Variants in ROBO2 observed in about 807,000 individuals in gnomAD.
ROBO2 encodes roundabout guidance receptor 2, also known as roundabout homolog 2.
In ROBO2, 53 loss-of-function variants were observed where a neutral mutation model predicts 160.8. The ratio of observed to expected loss-of-function variants is 0.33; its 90% CI spans 0.26 to 0.41. ROBO2 has a LOEUF of 0.41. Among genes scored for constraint, ROBO2 ranks in the 10% least tolerant of loss-of-function variants. The probability of loss-of-function intolerance (pLI) is 1.00; values close to 1 mark genes in which losing one functional copy is unlikely to be tolerated. For missense variants in ROBO2, 1,577 were observed against 1,722.4 expected (o/e 0.92, Z 1.49); for synonymous variants, 664 against 611.7 (o/e 1.09, Z -1.26).
chr3:76,455,795 C>A (rs1441372481), intron 2 of ROBO2, among the ~76,000 whole-genome samples: 1 of 152,110 alleles, frequency 6.6e-6, no homozygotes, highest in Non-Finnish European at 1.5e-5. Context: ...ATGCCAGTGT[C>A]CACGTTGACT....
At chr3:76,742,382 A>G (rs1357863361) in intron 2 of ROBO2, among the ~76,000 whole-genome samples, 7 of 152,128 alleles carry the variant, frequency 4.6e-5, no homozygotes, top group African/African-American at 1.7e-4. Flanking sequence ...CCCACTGGAT[A>G]AAAGGGTCAT....
At chr3:76,748,277 A>G (rs2093925263) in intron 2 of ROBO2, among the ~76,000 whole-genome samples, 1 of 151,782 alleles carries the variant, frequency 6.6e-6, no homozygotes, top group Admixed American at 6.6e-5. Context: ...ATTAATATAT[A>G]TTAAAGTATT....
chr3:75,951,356 A>G (rs1460727023), intron 2 of ROBO2, among the ~76,000 whole-genome samples: 1 of 152,168 alleles, frequency 6.6e-6, no homozygotes, highest in East Asian at 1.9e-4. Context: ...TGCTGGCCAT[A>G]TGCAGTCTCT....
intron 2 of ROBO2, among the ~76,000 whole-genome samples, chr3:76,291,665 C>G (rs1414503211): frequency 1.3e-5 from 2 of 151,980 alleles, no homozygotes; most frequent in Non-Finnish European, 2.9e-5. Flanking sequence ...GTGTTTAGTG[C>G]TTTACTTTCC....
At chr3:77,239,631 T>C (rs1416149483) in intron 2 of ROBO2, among the ~76,000 whole-genome samples, 1 of 152,208 alleles carries the variant, frequency 6.6e-6, no homozygotes, top group Non-Finnish European at 1.5e-5. Flanking sequence ...AGGGTGCCGA[T>C]TGGTGCGTTT....
intron 2 of ROBO2, among the ~76,000 whole-genome samples, chr3:77,124,604 C>A (rs1261777791): frequency 6.6e-6 from 1 of 151,966 alleles, no homozygotes; most frequent in East Asian, 1.9e-4. Flanking sequence ...GGTTACTGTG[C>A]AAAATATAAT....
At chr3:76,979,967 G>T (rs2060013433) in intron 2 of ROBO2, among the ~76,000 whole-genome samples, 1 of 151,390 alleles carries the variant, frequency 6.6e-6, no homozygotes, top group Non-Finnish European at 1.5e-5. Flanking sequence ...AAAAAAAAAT[G>T]TCTTTGCTGA....
upstream of ROBO2, among the ~76,000 whole-genome samples, chr3:77,036,265 A>G (rs557680225): frequency 2.0e-5 from 3 of 152,144 alleles, no homozygotes; most frequent in South Asian, 6.2e-4. Flanking sequence ...TAAAAACTAG[A>G]AGAATTCCCT....
At chr3:76,024,026 T>A (rs997642402) in intron 2 of ROBO2, among the ~76,000 whole-genome samples, 3 of 151,644 alleles carry the variant, frequency 2.0e-5, no homozygotes, top group South Asian at 2.1e-4. Context: ...ATAGGTTTTA[T>A]ATAAAAATCT....
intron 2 of ROBO2, among the ~76,000 whole-genome samples, chr3:76,653,731 A>G (rs1359386004): frequency 6.6e-6 from 1 of 152,164 alleles, no homozygotes; most frequent in African/African-American, 2.4e-5. Flanking sequence ...ATCATTTGCA[A>G]ATCTTGCAAT....
intron 2 of ROBO2, among the ~76,000 whole-genome samples, chr3:77,259,284 A>T (rs1580441993): frequency 6.6e-6 from 1 of 152,336 alleles, no homozygotes; most frequent in East Asian, 1.9e-4. Context: ...AAAAATTAAG[A>T]ATGCATGTAA....
intron 2 of ROBO2, among the ~76,000 whole-genome samples, chr3:77,164,902 C>A (rs1282258353): frequency 1.9e-5 from 2 of 107,476 alleles, no homozygotes; most frequent in Admixed American, 9.1e-5. Flanking sequence ...GGTCAGCCCC[C>A]CGCCCGGCCA....
intron 2 of ROBO2, among the ~76,000 whole-genome samples, chr3:77,442,204 C>A (rs368417009): frequency 2.6e-4 from 40 of 151,822 alleles, no homozygotes; most frequent in Admixed American, 2.6e-3. Context: ...CCCAGCTACT[C>A]GGGAGGCTGA....
At chr3:76,808,571 T>G (rs2064921201) in intron 2 of ROBO2, among the ~76,000 whole-genome samples, 1 of 152,100 alleles carries the variant, frequency 6.6e-6, no homozygotes, top group South Asian at 2.1e-4. Flanking sequence ...TTACTGACTT[T>G]GTAGTAGAAA....
intron 2 of ROBO2, among the ~76,000 whole-genome samples, chr3:76,986,685 G>C (rs979833813): frequency 6.6e-6 from 1 of 152,102 alleles, no homozygotes; most frequent in Admixed American, 6.6e-5. Context: ...AAATGGAAAT[G>C]TAATTCATGT....
chr3:76,644,444 A>G (rs1202807587), intron 2 of ROBO2, among the ~76,000 whole-genome samples: 4 of 152,278 alleles, frequency 2.6e-5, no homozygotes, highest in Admixed American at 6.5e-5. Flanking sequence ...CCACAGCTCT[A>G]TCTTGCGCTG....
chr3:76,541,266 G>T (rs2082800422), intron 2 of ROBO2, among the ~76,000 whole-genome samples: 2 of 152,080 alleles, frequency 1.3e-5, no homozygotes, highest in Admixed American at 6.6e-5. Context: ...CTTCAAAGGG[G>T]TTAACATCTA....
At chr3:77,117,107 T>A (rs2074284668) in intron 2 of ROBO2, among the ~76,000 whole-genome samples, 1 of 152,244 alleles carries the variant, frequency 6.6e-6, no homozygotes, top group Non-Finnish European at 1.5e-5. Flanking sequence ...AAGGCTGGAA[T>A]AAGAACTGAC....
intron 2 of ROBO2, among the ~76,000 whole-genome samples, chr3:77,459,529 T>C (rs2082018554): frequency 1.3e-5 from 2 of 152,188 alleles, no homozygotes; most frequent in African/African-American, 4.8e-5. Flanking sequence ...CTAGCTTACA[T>C]TTTATTAAAA....
Sources: allele counts gnomAD v4.1 joint callset (sites outside exome capture counted in the v4.1 genomes callset), GRCh38; gene constraint gnomAD v4.1.1; transcripts MANE v1.5; gene names NCBI Gene and HGNC (gene_info 2026-07-23, HGNC 2026-07-21).